The following UGT1A8 variants were observed in gnomAD, a reference collection of about 807,000 sequenced individuals.
UGT1A8 encodes UDP-glucuronosyltransferase 1A8.
Under a neutral mutation model 45.3 loss-of-function variants are expected in UGT1A8, and 39 were observed. The observed-to-expected ratio is 0.86, with a 90% CI of 0.67 to 1.12. The LOEUF is 1.12. UGT1A8 is among the 50% of genes most tolerant of loss of function. The pLI, the probability that UGT1A8 is intolerant of heterozygous loss-of-function variation, is 0.00. For synonymous variants in UGT1A8, 275 were observed against 249.2 expected (o/e 1.10, Z -0.97); for missense variants, 719 against 664.9 (o/e 1.08, Z -0.90).
At position 233,618,019 on chromosome 2, in the gene UGT1A8, T is replaced by C. The variant is rs749802195; in HGVS notation, c.312T>C (p.Ser104=). Residue 104 remains serine (S), a synonymous_variant, in exon 1 of 5, where the codon AGT becomes AGC. Coordinates refer to ENST00000373450, the MANE Select transcript of UGT1A8 (RefSeq NM_019076.5). The part of the protein sequence containing the change: ...ADAQWKAQVR[S]LFSLFLSSSN... ...CTCAATGGAAAGCACAAGTACGAAG[T>C]TTGTTTTCTCTATTTCTGAGTTCAT... is the stretch of plus-strand genomic sequence containing the variant. 6.2e-7 allele frequency: 1 copy of C among 1,614,200 alleles called. No individual in the cohort carries two copies. The highest frequency in any genetic ancestry group is 1.7e-5 in the Admixed American group (1 of 60,016).
rs2074950083 is a variant in UGT1A8 at position 233,689,569 on chromosome 2, T to C, written c.855+71007T>C. ...GTCATAGGTGAATTCAGAGATTTTC[T>C]GATTTGCAATTAGCTAAGGAAGAGA... On this transcript the variant is annotated intron_variant, in intron 1 of 4. Coordinates refer to ENST00000373450, the MANE Select transcript of UGT1A8 (RefSeq NM_019076.5). Among the ~76,000 whole-genome samples the C allele has an allele frequency of 5.3e-5, 8 of 152,370 alleles. 1 individual carries two copies. In the South Asian group the frequency reaches 1.7e-3, roughly 32 times the overall value.
chr2:233,647,307 T>C (rs568097243), intron 1 of UGT1A8, among the ~76,000 whole-genome samples: 2 of 152,342 alleles, frequency 1.3e-5, no homozygotes, highest in South Asian at 4.1e-4. Flanking sequence ...AATATTGTTT[T>C]ACATTTTCGT....
At chr2:233,749,891 C>G (rs769638729) in intron 1 of UGT1A8, among the ~76,000 whole-genome samples, 2 of 151,948 alleles carry the variant, frequency 1.3e-5, no homozygotes, top group African/African-American at 4.9e-5. Context: ...CTGAGGCTCC[C>G]CCCTCCAGCC....
At chr2:233,654,861 G>A (rs754981919) in intron 1 of UGT1A8, among the ~76,000 whole-genome samples, 76 of 152,192 alleles carry the variant, frequency 5.0e-4, no homozygotes, top group Non-Finnish European at 9.4e-4. Context: ...GGAAACTGAG[G>A]TGGGCGGATC....
intron 1 of UGT1A8, among the ~76,000 whole-genome samples, chr2:233,654,900 T>C (rs2073822265): frequency 6.6e-6 from 1 of 152,210 alleles, no homozygotes; most frequent in African/African-American, 2.4e-5. Context: ...GAGATCAGTC[T>C]GGCCAACATG....
chr2:233,701,118 A>G (rs1399584503), intron 1 of UGT1A8, among the ~76,000 whole-genome samples: 1 of 152,168 alleles, frequency 6.6e-6, no homozygotes, highest in East Asian at 1.9e-4. Context: ...CCAGTCTATC[A>G]TTGAGGGACA....
intron 1 of UGT1A8, among the ~76,000 whole-genome samples, chr2:233,652,833 T>C (rs2073771285): frequency 6.6e-6 from 1 of 152,262 alleles, no homozygotes; most frequent in Middle Eastern, 3.4e-3. Flanking sequence ...AATAGCTAAA[T>C]AGAAAAGCTA....
chr2:233,681,409 C>G (rs1269380045), intron 1 of UGT1A8, among the ~76,000 whole-genome samples: 2 of 151,624 alleles, frequency 1.3e-5, no homozygotes, highest in African/African-American at 4.8e-5. Context: ...CAGCGTGCGC[C>G]TGTAATCCCA....
intron 1 of UGT1A8, among the ~76,000 whole-genome samples, chr2:233,633,442 G>T (rs372269008): frequency 1.3e-5 from 2 of 152,064 alleles, no homozygotes; most frequent in East Asian, 1.9e-4. Flanking sequence ...TCTGGTCCTG[G>T]GTGTTTTTGG....
chr2:233,655,366 G>A (rs2073833041), intron 1 of UGT1A8, among the ~76,000 whole-genome samples: 1 of 152,150 alleles, frequency 6.6e-6, no homozygotes, highest in Admixed American at 6.5e-5. Flanking sequence ...CACGTCCTGG[G>A]AGACTCTTCA....
intron 1 of UGT1A8, among the ~76,000 whole-genome samples, chr2:233,630,164 G>A (rs548027006): frequency 6.2e-4 from 94 of 151,926 alleles, no homozygotes; most frequent in Non-Finnish European, 8.7e-4. Flanking sequence ...ATTGATTTCT[G>A]TTCTGAAGTA....
chr2:233,632,074 C>A (rs1472493124), intron 1 of UGT1A8, among the ~76,000 whole-genome samples: 1 of 152,118 alleles, frequency 6.6e-6, no homozygotes, highest in East Asian at 1.9e-4. Flanking sequence ...TTTCCCAACA[C>A]CATTTATTAC....
At chr2:233,733,174 G>T (rs2078363189) in intron 1 of UGT1A8, among the ~76,000 whole-genome samples, 1 of 152,204 alleles carries the variant, frequency 6.6e-6, no homozygotes, top group African/African-American at 2.4e-5. Context: ...CTGGGACTTT[G>T]CTGAAGTTGC....
At chr2:233,746,652 G>C (rs889917694) in intron 1 of UGT1A8, among the ~76,000 whole-genome samples, 17 of 151,768 alleles carry the variant, frequency 1.1e-4, no homozygotes, top group African/African-American at 3.7e-4. Context: ...TTGGCTTTCT[G>C]TCCCGAGTTC....
chr2:233,679,357 A>T (rs1178042272), intron 1 of UGT1A8, among the ~76,000 whole-genome samples: 7 of 152,228 alleles, frequency 4.6e-5, no homozygotes. Context: ...TTTGTACAAC[A>T]ATAAAACTGT....
chr2:233,678,591 T>G (rs1325807860), intron 1 of UGT1A8, among the ~76,000 whole-genome samples: 1 of 152,238 alleles, frequency 6.6e-6, no homozygotes, highest in Non-Finnish European at 1.5e-5. Flanking sequence ...TTGCTTTAGT[T>G]TCAGTGCCCA....
intron 1 of UGT1A8, chr2:233,743,668 G>C (rs898129248): frequency 5.1e-6 from 7 of 1,367,120 alleles, no homozygotes; most frequent in Non-Finnish European, 6.9e-6. Flanking sequence ...AGGGGTCCTC[G>C]AAGGGCCTGC....
At chr2:233,729,094 G>A in intron 1 of UGT1A8, 1 of 1,612,652 alleles carries the variant, frequency 6.2e-7, no homozygotes, top group Non-Finnish European at 8.5e-7. Context: ...ACAGCGTGGG[G>A]TGGACAGTCA....
chr2:233,746,165 A>G (rs530256545), intron 1 of UGT1A8, among the ~76,000 whole-genome samples: 2 of 151,990 alleles, frequency 1.3e-5, no homozygotes, highest in South Asian at 4.2e-4. Context: ...CAAAGCCAAA[A>G]TCTTGCCTGT....
Sources: allele counts gnomAD v4.1 joint callset (sites outside exome capture counted in the v4.1 genomes callset), GRCh38; gene constraint gnomAD v4.1.1; transcripts MANE v1.5; gene names NCBI Gene and HGNC (gene_info 2026-07-23, HGNC 2026-07-21).